PDGFC: variants seen among roughly 807,000 people sequenced by gnomAD.
PDGFC encodes the protein platelet derived growth factor C.
A neutral mutation model predicts 35.5 loss-of-function variants in PDGFC; 12 were observed. The observed-to-expected ratio is 0.34, with a 90% CI of 0.22 to 0.55. The LOEUF (loss-of-function observed/expected upper bound fraction) is 0.55, where lower values mean the gene tolerates loss of function less well. Ranked by LOEUF, PDGFC falls within the 20% of genes least tolerant of loss-of-function variation. The pLI is 0.91. For missense variants in PDGFC, 322 were observed against 412.4 expected, an observed-to-expected ratio of 0.78 and a Z score of 1.90; for synonymous variants, 159 against 148.8, an observed-to-expected ratio of 1.07 and a Z score of -0.50.
chr4:156,812,292 T>C (rs376572181), intron 2 of PDGFC, among the ~76,000 whole-genome samples: 1 of 152,218 alleles, frequency 6.6e-6, no homozygotes, highest in East Asian at 1.9e-4. Flanking sequence ...CATTTTCCCT[T>C]TATTTTTCTA....
At chr4:156,803,963 C>G (rs1287249198) in intron 3 of PDGFC, among the ~76,000 whole-genome samples, 2 of 152,012 alleles carry the variant, frequency 1.3e-5, no homozygotes, top group Non-Finnish European at 2.9e-5. Context: ...GTAACAGACA[C>G]TGACCGTTGA....
chr4:156,854,406 T>A (rs921245123), intron 1 of PDGFC, among the ~76,000 whole-genome samples: 7 of 152,172 alleles, frequency 4.6e-5, no homozygotes, highest in African/African-American at 1.7e-4. Context: ...TAATTCACTA[T>A]TAAATTGGAC....
At chr4:156,937,353 A>G (rs1042472606) in intron 1 of PDGFC, among the ~76,000 whole-genome samples, 1 of 152,148 alleles carries the variant, frequency 6.6e-6, no homozygotes, top group Non-Finnish European at 1.5e-5. Flanking sequence ...TCTTCTGGAG[A>G]CCACCACAAT....
intron 3 of PDGFC, among the ~76,000 whole-genome samples, chr4:156,777,480 G>A (rs1730860032): frequency 6.6e-6 from 1 of 152,094 alleles, no homozygotes; most frequent in African/African-American, 2.4e-5. Flanking sequence ...TGTTCTTATA[G>A]TAAGAGAACA....
At chr4:156,792,893 C>T (rs948055064) in intron 3 of PDGFC, among the ~76,000 whole-genome samples, 1 of 152,112 alleles carries the variant, frequency 6.6e-6, no homozygotes, top group African/African-American at 2.4e-5. Flanking sequence ...GAAACCCTCA[C>T]CTTCACCTCC....
At chr4:156,859,968 T>C (rs1243848165) in intron 1 of PDGFC, among the ~76,000 whole-genome samples, 5 of 152,146 alleles carry the variant, frequency 3.3e-5, no homozygotes. Flanking sequence ...CTGTAACAAC[T>C]AGCAAAATTC....
intron 1 of PDGFC, among the ~76,000 whole-genome samples, chr4:156,857,665 T>C (rs975817682): frequency 1.2e-4 from 18 of 152,060 alleles, no homozygotes; most frequent in African/African-American, 2.9e-4. Flanking sequence ...CACAATGAAG[T>C]AGCCACTGAA....
chr4:156,891,428 A>C (rs1297383591), intron 1 of PDGFC, among the ~76,000 whole-genome samples: 1 of 152,056 alleles, frequency 6.6e-6, no homozygotes, highest in Non-Finnish European at 1.5e-5. Context: ...TACACGCACA[A>C]GATTTTTGGT....
intron 1 of PDGFC, among the ~76,000 whole-genome samples, chr4:156,884,727 C>T (rs897016853): frequency 6.6e-5 from 10 of 152,176 alleles, no homozygotes; most frequent in African/African-American, 2.4e-4. Context: ...ATATTTAAAA[C>T]ACATTGTGAA....
chr4:156,787,543 G>C (rs547386976), intron 3 of PDGFC, among the ~76,000 whole-genome samples: 5 of 152,278 alleles, frequency 3.3e-5, no homozygotes, highest in African/African-American at 1.2e-4. Flanking sequence ...ATGCGTGGTA[G>C]CTGGATGACG....
intron 3 of PDGFC, among the ~76,000 whole-genome samples, chr4:156,809,305 C>A (rs1188890703): frequency 2.0e-5 from 3 of 152,000 alleles, no homozygotes; most frequent in African/African-American, 7.2e-5. Context: ...TAAAGTCTCC[C>A]AGATGTGGTG....
At chr4:156,771,693 C>T (rs1399516546) in intron 4 of PDGFC, among the ~76,000 whole-genome samples, 1 of 152,120 alleles carries the variant, frequency 6.6e-6, no homozygotes, top group Non-Finnish European at 1.5e-5. Context: ...GGGCAGGAAT[C>T]GGGTTTCCTT....
intron 1 of PDGFC, among the ~76,000 whole-genome samples, chr4:156,853,248 G>A (rs1394634361): frequency 6.6e-6 from 1 of 152,110 alleles, no homozygotes; most frequent in African/African-American, 2.4e-5. Context: ...ATCAAAATAT[G>A]TTAACATTAT....
chr4:156,964,826 C>G (rs2110981597), intron 1 of PDGFC, among the ~76,000 whole-genome samples: 1 of 152,294 alleles, frequency 6.6e-6, no homozygotes. Context: ...CTTTCCAACT[C>G]TAACATTCCT....
intron 1 of PDGFC, among the ~76,000 whole-genome samples, chr4:156,891,813 A>G (rs186197212): frequency 4.6e-5 from 7 of 152,362 alleles, no homozygotes; most frequent in Non-Finnish European, 1.0e-4. Context: ...ATAATTCACC[A>G]TTCATAATGC....
rs773526220 is a variant in PDGFC at position 156,850,210 on chromosome 4, T to A, written c.314+11A>T. On this transcript the variant is annotated intron_variant, in intron 2 of 5. Transcript: ENST00000502773. ...TGTTACATTGTTGGGATTTCAAGTA[T>A]GATCACTTACTTGCATATGTCATCT... 2 of 1,434,062 alleles carry A rather than the reference T, an allele frequency of 1.4e-6. No homozygotes were observed. Among genetic ancestry groups the A allele is most frequent in the South Asian group, 2.9e-5 (2 of 68,704 alleles). 88.8% of individuals were successfully genotyped at this position (1,434,062 alleles called of 1,614,324 possible).
intron 3 of PDGFC, among the ~76,000 whole-genome samples, chr4:156,792,131 C>T (rs1185331749): frequency 2.6e-5 from 4 of 152,118 alleles, no homozygotes; most frequent in African/African-American, 9.7e-5. Context: ...CAAATGTGAC[C>T]AGTGAACTGA....
At chr4:156,853,485 C>T (rs1000714463) in intron 1 of PDGFC, among the ~76,000 whole-genome samples, 8 of 152,104 alleles carry the variant, frequency 5.3e-5, no homozygotes, top group African/African-American at 1.9e-4. Flanking sequence ...AGTAAGCACC[C>T]TATACAGAAC....
chr4:156,932,100 A>G (rs1731563374), intron 1 of PDGFC, among the ~76,000 whole-genome samples: 1 of 152,210 alleles, frequency 6.6e-6, no homozygotes, highest in African/African-American at 2.4e-5. Context: ...ATTATTAAGA[A>G]CATTTAATGT....
Sources: allele counts gnomAD v4.1 joint callset (sites outside exome capture counted in the v4.1 genomes callset), GRCh38; gene constraint gnomAD v4.1.1; transcripts MANE v1.5; gene names NCBI Gene and HGNC (gene_info 2026-07-23, HGNC 2026-07-21).